The following USP42 variants were observed in gnomAD, a reference collection of about 807,000 sequenced individuals.
USP42 encodes the protein ubiquitin carboxyl-terminal hydrolase 42.
A neutral mutation model predicts 113.0 loss-of-function variants in USP42; 23 were observed. The observed-to-expected ratio is 0.20, with a 90% confidence interval of 0.15 to 0.29. The LOEUF (loss-of-function observed/expected upper bound fraction) is 0.29. Among genes scored for constraint, USP42 ranks in the 10% least tolerant of loss-of-function variants. USP42 has a pLI of 1.00. For synonymous variants in USP42, 933 were observed against 699.0 expected (o/e 1.33, Z -5.28); for missense variants, 2,174 against 1,779.8 (o/e 1.22, Z -3.99).
intron 3 of USP42, among the ~76,000 whole-genome samples, chr7:6,132,580 A>C (rs960987190): frequency 8.6e-5 from 13 of 151,982 alleles, no homozygotes; most frequent in Non-Finnish European, 1.5e-4. Flanking sequence ...GCTGGTCTCA[A>C]ACTCCTGACC....
the USP42 span, among the ~76,000 whole-genome samples, chr7:6,097,087 G>C: frequency 1.7e-4 from 25 of 150,786 alleles, no homozygotes; most frequent in Non-Finnish European, 3.2e-4. Context: ...TGTATGTTTA[G>C]TAGAGACGGG....
At chr7:6,099,871 G>A in the USP42 span, among the ~76,000 whole-genome samples, 1 of 150,564 alleles carries the variant, frequency 6.6e-6, no homozygotes, top group Non-Finnish European at 1.5e-5. Flanking sequence ...GCGGAGGCAG[G>A]AGAATCACTT....
At position 6,111,142 on chromosome 7, in the gene USP42, A is replaced by G; in HGVS notation, c.9A>G (p.Ile3Met). Residue 3 changes from isoleucine (I) to methionine (M), a missense_variant, in exon 2 of 18, where the codon ATA (isoleucine) becomes ATG (methionine). Transcript: ENST00000306177. ...TTTTGCAGAGTTGAACAATGACCATAGTTGACAAAGCTTCTGAATCTTCAG... is the reference window on the plus strand; with the variant it reads ...TTTTGCAGAGTTGAACAATGACCATGGTTGACAAAGCTTCTGAATCTTCAG... Reference protein sequence around the residue: MTIVDKASESSDP... With the variant: MTMVDKASESSDP... 1 of 1,612,144 alleles carries G rather than the reference A, an allele frequency of 6.2e-7. No individual in the cohort carries two copies. The highest frequency in any genetic ancestry group is 8.5e-7 in the Non-Finnish European group (1 of 1,178,538).
At chr7:6,083,043 GC>G in the USP42 span, among the ~76,000 whole-genome samples, 5 of 148,534 alleles carry the variant, frequency 3.4e-5, no homozygotes, top group South Asian at 1.0e-3. Context: ...TCCTGCCTCA[GC>G]CTCCCGTGTA....
Position 6,159,338 on chromosome 7 carries a change from C to G in USP42, c.3944-112C>G. On this transcript the variant is annotated intron_variant, in intron 16 of 17. Transcript: ENST00000306177. The surrounding 1 kb of genome is among the most constrained non-coding windows in gnomAD (Gnocchi z 4.1). ...TCACTGGGGAGTGGCCTCAGGCGCTCACAGGGAACCGCAGTGACTCTGACC... is the reference window on the plus strand; with the variant it reads ...TCACTGGGGAGTGGCCTCAGGCGCTGACAGGGAACCGCAGTGACTCTGACC... The G allele has an allele frequency of 6.9e-7, 1 of 1,457,910 alleles. No homozygotes were observed. The highest frequency in any genetic ancestry group is 1.4e-5 in the African/African-American group (1 of 71,064). 90.3% of individuals were successfully genotyped at this position (1,457,910 alleles called of 1,614,324 possible). A position where few individuals can be genotyped will look rare whatever the true frequency, so the allele number is the denominator to read the frequency against.
Position 6,111,285 on chromosome 7 carries a change from C to T in USP42, c.152C>T (p.Thr51Ile). 1.2e-6 allele frequency: 2 copies of T among 1,607,452 alleles called. No homozygotes were observed. Among genetic ancestry groups the T allele is most frequent in the South Asian group, 1.1e-5 (1 of 90,056 alleles). The stretch of plus-strand genomic sequence containing the variant: ...TCATTGAATGATGTGTCAAATCACA[C>T]ACTTTCTTTAGGACCAGTACCTGGT... ...VSSLNDVSNH[T>I]LSLGPVPGAV... Residue 51 changes from threonine to isoleucine, a missense_variant, in exon 2 of 18, where the codon ACA becomes ATA. Coordinates refer to ENST00000306177, the MANE Select transcript of USP42 (RefSeq NM_032172.3).
At chr7:6,120,508 G>A (rs1041670506) in intron 3 of USP42, among the ~76,000 whole-genome samples, 3 of 152,114 alleles carry the variant, frequency 2.0e-5, no homozygotes, top group Non-Finnish European at 4.4e-5. Flanking sequence ...CTCCCAAAGT[G>A]CTGGGATTAC....
chr7:6,090,352 A>ATT, the USP42 span, among the ~76,000 whole-genome samples: 2 of 142,608 alleles, frequency 1.4e-5, no homozygotes, highest in African/African-American at 5.3e-5. Flanking sequence ...ATATATTTAT[A>ATT]TATATATTTA....
chr7:6,153,662 A>G, intron 14 of USP42, 94 bp from the exon 15 acceptor site: 1 of 1,338,924 alleles, frequency 7.5e-7, no homozygotes, highest in Non-Finnish European at 9.7e-7. Context: ...CGAAATAGCA[A>G]ATGAACGTTT....
At chr7:6,155,891 C>G (rs139511740) in intron 15 of USP42, among the ~76,000 whole-genome samples, 1 of 152,146 alleles carries the variant, frequency 6.6e-6, no homozygotes, top group East Asian at 1.9e-4. Context: ...CTGGAGTAGC[C>G]GGGACTGCAG....
chr7:6,126,973 T>A (rs1251949877), intron 3 of USP42, among the ~76,000 whole-genome samples: 3 of 152,266 alleles, frequency 2.0e-5, no homozygotes, highest in African/African-American at 7.2e-5. Context: ...TCCAGCTTCC[T>A]TGCATCTTTG....
At chr7:6,137,454 G>GTTCAAGTGA (rs1292504420) in intron 4 of USP42, among the ~76,000 whole-genome samples, 1 of 152,048 alleles carries the variant, frequency 6.6e-6, no homozygotes, top group African/African-American at 2.4e-5. Context: ...TGCCTCTCAG[G>GTTCAAGTGA]TTCAAGTGAT....
At chr7:6,102,433 G>T, upstream of USP42, among the ~76,000 whole-genome samples, 1 of 150,206 alleles carries the variant, frequency 6.7e-6, no homozygotes, top group Middle Eastern at 3.2e-3. Context: ...TTAAGGGGCA[G>T]CCTGGAGGGA....
intron 3 of USP42, among the ~76,000 whole-genome samples, chr7:6,117,790 A>T (rs1779994970): frequency 6.6e-6 from 1 of 152,206 alleles, no homozygotes; most frequent in South Asian, 2.1e-4. Context: ...TTGTACTTTC[A>T]TAATGAATAA....
chr7:6,095,391 C>T, the USP42 span, among the ~76,000 whole-genome samples: 2 of 151,102 alleles, frequency 1.3e-5, no homozygotes, highest in African/African-American at 4.9e-5. Flanking sequence ...CCAGAGGGGC[C>T]GGGTGTGGTG....
rs1266556630 is a variant in USP42, at chr7:6,142,917, C to T, written c.796-15C>T. 1.2e-6 allele frequency: 2 copies of T among 1,613,606 alleles called. No homozygotes were observed. Among genetic ancestry groups the T allele is most frequent in the East Asian group, 2.2e-5 (1 of 44,862 alleles). On this transcript the variant is annotated splice_polypyrimidine_tract_variant and intron_variant, in intron 7 of 17. Coordinates refer to ENST00000306177, the MANE Select transcript of USP42 (RefSeq NM_032172.3). ...GTGTGCGGTGATGTGGTGTTTGTGCCTCTTCTCTTCCCAGGCTGCTCAGAG... is the reference window on the plus strand; with the variant it reads ...GTGTGCGGTGATGTGGTGTTTGTGCTTCTTCTCTTCCCAGGCTGCTCAGAG...
chr7:6,100,888 G>C (rs1790106605), upstream of USP42, among the ~76,000 whole-genome samples: 1 of 150,610 alleles, frequency 6.6e-6, no homozygotes, highest in Non-Finnish European at 1.5e-5. Context: ...CGCTGGTCTT[G>C]AACTCCTGAC....
chr7:6,140,089 CA>C lies in USP42; in HGVS notation c.657-36del, dbSNP rs748615868. ...CTGGTCACAGCATCTGGAGTTTTTG[CA>C]AAGCTCTTCTCTCATGTCACTGTTC... On this transcript the variant is annotated intron_variant, in intron 5 of 17. Coordinates refer to ENST00000306177, the MANE Select transcript of USP42 (RefSeq NM_032172.3). 3.1e-6 allele frequency: 5 copies of C among 1,592,350 alleles called. No individual in the cohort carries two copies. In the South Asian group the frequency reaches 5.5e-5, roughly 18 times the overall value.
At chr7:6,160,350 G>A (rs555316611) in intron 17 of USP42, among the ~76,000 whole-genome samples, 146 of 152,324 alleles carry the variant, frequency 9.6e-4, no homozygotes, top group African/African-American at 3.4e-3. Context: ...GGTGGTGGCC[G>A]GGCCCAGCAG....
Sources: gnomAD v4.1 joint callset for allele counts (sites outside exome capture counted in the v4.1 genomes callset) on GRCh38, gnomAD v4.1.1 for gene constraint, Gnocchi (gnomAD v3.1) non-coding constraint, MANE v1.5 for transcripts, NCBI Gene and HGNC (gene_info 2026-07-23, HGNC 2026-07-21) for gene names.